The following ARL8A variants were observed in gnomAD, a reference collection of about 807,000 sequenced individuals.
ARL8A encodes ADP-ribosylation factor-like protein 8A.
A neutral mutation model predicts 31.2 loss-of-function variants in ARL8A; 10 were observed. The ratio of observed to expected loss-of-function variants is 0.32; its 90% CI spans 0.20 to 0.54. ARL8A has a LOEUF of 0.54. ARL8A is among the 20% of genes least tolerant of loss of function. ARL8A has a pLI of 0.93. For missense variants in ARL8A, 129 were observed against 242.8 expected (o/e 0.53, Z 3.12); for synonymous variants, 70 against 86.9 (o/e 0.81, Z 1.08).
chr1:202,139,155 T>C (rs1655096832), intron 1 of ARL8A, among the ~76,000 whole-genome samples: 1 of 152,236 alleles, frequency 6.6e-6, no homozygotes, highest in South Asian at 2.1e-4. Flanking sequence ...GTATTGTCTC[T>C]AGGATTTCTG....
Position 202,138,834 on chromosome 1 carries a change from G to A in ARL8A, c.124-386C>T, listed in dbSNP as rs538288685. Reference sequence around the variant, plus strand: ...AAGTCATGTTCTAATAGTTAAGGAGGATCTCAAAGAAAGCAGATGAATTTT... The same window carrying A: ...AAGTCATGTTCTAATAGTTAAGGAGAATCTCAAAGAAAGCAGATGAATTTT... On this transcript the variant is annotated intron_variant, in intron 1 of 6. Coordinates refer to ENST00000272217, the MANE Select transcript of ARL8A (RefSeq NM_138795.4). This position sits in a 1 kb window ranked among gnomAD's most constrained non-coding sequence, Gnocchi z 4.4. Among the ~76,000 whole-genome samples the A allele has an allele frequency of 4.6e-5, 7 of 152,192 alleles. No homozygotes were observed. The highest frequency in any genetic ancestry group is 1.4e-4 in the African/African-American group (6 of 41,440).
Position 202,134,456 on chromosome 1 carries a change from G to A in ARL8A, c.*11C>T, listed in dbSNP as rs749361259. 9 of 1,611,618 alleles carry A rather than the reference G, an allele frequency of 5.6e-6. No individual in the cohort carries two copies. Among genetic ancestry groups the A allele is most frequent in the South Asian group, 4.4e-5 (4 of 91,040 alleles). On this transcript the variant is annotated 3_prime_UTR_variant, in exon 7 of 7. Transcript: ENST00000272217. This position sits in a 1 kb window ranked among gnomAD's most constrained non-coding sequence, Gnocchi z 4.2. ...TGACGGTCCCTGGTCTGAGGGAGAA[G>A]GGCTGGAGTCTCAGCTTCTCCGTGA...
chr1:202,144,391 C>T lies in ARL8A; in HGVS notation c.123+59G>A, dbSNP rs2147815395. ...CCGGCTCAGCAGGGCGCGGCGCGGG[C>T]GGGGACAGGCCCGACCCGCGGCCCG... On this transcript the variant is annotated intron_variant, in intron 1 of 6. Transcript: ENST00000272217. The surrounding 1 kb of genome is among the most constrained non-coding windows in gnomAD (Gnocchi z 5.2). 16 of 1,079,710 alleles carry T rather than the reference C, an allele frequency of 1.5e-5. No individual in the cohort carries two copies. The highest frequency in any genetic ancestry group is 7.3e-4 in the Middle Eastern group (2 of 2,740). The allele number at this position is 1,079,710 out of a possible 1,614,324, so 66.9% of individuals were successfully genotyped here. A position where few individuals can be genotyped will look rare whatever the true frequency, so the allele number is the denominator to read the frequency against.
At position 202,138,502 on chromosome 1, in the gene ARL8A, GC is replaced by G; in HGVS notation, c.124-55del. ...GTGCAAAAATCGATATGCCCCCACC[GC>G]AGACCAAGAGGCTGCGAGAACCATG... On this transcript the variant is annotated intron_variant, in intron 1 of 6. Coordinates refer to ENST00000272217, the MANE Select transcript of ARL8A (RefSeq NM_138795.4). The surrounding 1 kb of genome is among the most constrained non-coding windows in gnomAD (Gnocchi z 4.4). 1 of 1,541,270 alleles carries G rather than the reference GC, an allele frequency of 6.5e-7. No individual in the cohort carries two copies. The highest frequency in any genetic ancestry group is 1.1e-5 in the South Asian group (1 of 89,414).
intron 3 of ARL8A, 49 bp downstream of exon 3, chr1:202,137,916 A>T (rs370797967): frequency 4.1e-5 from 66 of 1,604,304 alleles, no homozygotes; most frequent in Non-Finnish European, 5.5e-5. Flanking sequence ...TAGCAGGGCT[A>T]GGGGGGCCGG....
rs905187355 is a variant in ARL8A, at chr1:202,144,153, G to A, written c.123+297C>T. Among the ~76,000 whole-genome samples the A allele has an allele frequency of 5.9e-5, 9 of 152,132 alleles. No homozygotes were observed. The highest frequency in any genetic ancestry group is 1.3e-4 in the Non-Finnish European group (9 of 67,988). ...CGGCAGCGGGTCCCTCCTGCTTCGAGAGCCCCTCGGTGCCGCCTGCCCCGT... is the reference window on the plus strand; with the variant it reads ...CGGCAGCGGGTCCCTCCTGCTTCGAAAGCCCCTCGGTGCCGCCTGCCCCGT... On this transcript the variant is annotated intron_variant, in intron 1 of 6. Transcript: ENST00000272217. The surrounding 1 kb of genome is among the most constrained non-coding windows in gnomAD (Gnocchi z 5.2).
chr1:202,138,117 T>C lies in ARL8A; in HGVS notation c.205-79A>G. 15 of 1,496,640 alleles carry C rather than the reference T, an allele frequency of 1.0e-5. No individual in the cohort carries two copies. In the South Asian group the frequency reaches 1.7e-4, roughly 17 times the overall value. The allele number at this position is 1,496,640 out of a possible 1,614,324, so 92.7% of individuals were successfully genotyped here. On this transcript the variant is annotated intron_variant, in intron 2 of 6. Transcript: ENST00000272217. The surrounding 1 kb of genome is among the most constrained non-coding windows in gnomAD (Gnocchi z 4.4). The stretch of plus-strand genomic sequence containing the variant: ...GTCTTGGGTCTCAAATGCCCCCTCC[T>C]ACCCTGCCCTACTCTCCTCTGCCTC...
In ARL8A at chr1:202,135,613, C is replaced by T. The variant is rs1654985236; in HGVS notation, c.373-87G>A. 3 of 1,576,976 alleles carry T rather than the reference C, an allele frequency of 1.9e-6. No individual in the cohort carries two copies. In the Admixed American group the frequency reaches 5.0e-5, roughly 26 times the overall value. ...TGAGCTGGCCTCCTGGGTCCCGTTT[C>T]CTCTCTGCGCCCCTACCATGCCTGG... On this transcript the variant is annotated intron_variant, in intron 4 of 6. Coordinates refer to ENST00000272217, the MANE Select transcript of ARL8A (RefSeq NM_138795.4). This position sits in a 1 kb window ranked among gnomAD's most constrained non-coding sequence, Gnocchi z 5.3.
chr1:202,143,182 A>C (rs924817023), intron 1 of ARL8A, among the ~76,000 whole-genome samples: 1 of 152,188 alleles, frequency 6.6e-6, no homozygotes, highest in Admixed American at 6.5e-5. Context: ...TTTGCAGAGC[A>C]TGTTTGGGAA....
rs369616189 is a variant in ARL8A at position 202,135,815 on chromosome 1, A to C, written c.279-15T>G. 6 of 1,606,484 alleles carry C rather than the reference A, an allele frequency of 3.7e-6. No homozygotes were observed. The highest frequency in any genetic ancestry group is 4.3e-6 in the Non-Finnish European group (5 of 1,173,216). The stretch of plus-strand genomic sequence containing the variant: ...CCACCATGTACCTGGGGAAAGAGGC[A>C]GGGTGGGGACAAGCATGTTGACACC... On this transcript the variant is annotated splice_polypyrimidine_tract_variant and intron_variant, in intron 3 of 6. Transcript: ENST00000272217. This position sits in a 1 kb window ranked among gnomAD's most constrained non-coding sequence, Gnocchi z 5.3.
At position 202,138,319 on chromosome 1, in the gene ARL8A, AC is replaced by A. The variant is rs767879792; in HGVS notation, c.204+48del. 3.6e-5 allele frequency: 56 copies of A among 1,554,818 alleles called. No individual in the cohort carries two copies. The highest frequency in any genetic ancestry group is 1.9e-4 in the South Asian group (17 of 89,666). ...AACACACACACACACACACACACAC[AC>A]ACACACAAAAACAGTCCTCTGCACC... On this transcript the variant is annotated intron_variant, in intron 2 of 6. Coordinates refer to ENST00000272217, the MANE Select transcript of ARL8A (RefSeq NM_138795.4). This position sits in a 1 kb window ranked among gnomAD's most constrained non-coding sequence, Gnocchi z 4.4.
intron 1 of ARL8A, among the ~76,000 whole-genome samples, chr1:202,139,133 A>C (rs937806766): frequency 5.9e-5 from 9 of 152,174 alleles, no homozygotes; most frequent in African/African-American, 2.2e-4. Context: ...TCCATTTTCC[A>C]AAATCCATTC....
chr1:202,141,682 C>A (rs1447296556), intron 1 of ARL8A, among the ~76,000 whole-genome samples: 1 of 151,196 alleles, frequency 6.6e-6, no homozygotes, highest in Non-Finnish European at 1.5e-5. Flanking sequence ...AAAAAAAAAT[C>A]TATCATTCCT....
At chr1:202,136,849 T>C (rs1655021888) in intron 3 of ARL8A, among the ~76,000 whole-genome samples, 1 of 147,438 alleles carries the variant, frequency 6.8e-6, no homozygotes, top group African/African-American at 2.6e-5. Context: ...GCCATTTTTC[T>C]TTTCTTTTCT....
chr1:202,143,674 G>A (rs1655223421), intron 1 of ARL8A, among the ~76,000 whole-genome samples: 2 of 152,202 alleles, frequency 1.3e-5, no homozygotes, highest in African/African-American at 2.4e-5. Flanking sequence ...ACCCACTTCA[G>A]TGTTGACGAC....
chr1:202,137,466 A>G (rs1655041266), intron 3 of ARL8A, among the ~76,000 whole-genome samples: 2 of 152,272 alleles, frequency 1.3e-5, no homozygotes, highest in South Asian at 4.1e-4. Context: ...TGTCTCTACT[A>G]AAAATACAAA....
chr1:202,135,772 TCTC>T lies in ARL8A; in HGVS notation c.304_306del (p.Glu102del), dbSNP rs764623352. 2 of 1,614,032 alleles carry T rather than the reference TCTC, an allele frequency of 1.2e-6. No individual in the cohort carries two copies. Among genetic ancestry groups the T allele is most frequent in the Non-Finnish European group, 1.7e-6 (2 of 1,179,980 alleles). On this transcript the variant is annotated inframe_deletion, in exon 4 of 7. Coordinates refer to ENST00000272217, the MANE Select transcript of ARL8A (RefSeq NM_138795.4). The surrounding 1 kb of genome is among the most constrained non-coding windows in gnomAD (Gnocchi z 5.3). ...AGCTCGTTCTTAGAGGCCTCAATCT[TCTC>T]CTGGTCAGCAGCATCCACCATGTAC...
chr1:202,134,506 T>C lies in ARL8A; in HGVS notation c.522A>G (p.Leu174=), dbSNP rs1217528689. 2.5e-6 allele frequency: 4 copies of C among 1,613,072 alleles called. No homozygotes were observed. The highest frequency in any genetic ancestry group is 3.4e-6 in the Non-Finnish European group (4 of 1,179,144). Reference sequence around the variant, plus strand: ...ACTTCGAGTGTTGAATAAGCCACTGTAGGGTGATGTCTGATAGGAGAAAAG... The same window carrying C: ...ACTTCGAGTGTTGAATAAGCCACTGCAGGGTGATGTCTGATAGGAGAAAAG... ...CKEKDNIDIT[L]QWLIQHSKSR... Residue 174 remains leucine (L), a synonymous_variant, in exon 7 of 7, where the codon CTA becomes CTG. Transcript: ENST00000272217. The surrounding 1 kb of genome is among the most constrained non-coding windows in gnomAD (Gnocchi z 4.2).
At position 202,135,057 on chromosome 1, in the gene ARL8A, A is replaced by G. The variant is rs1654967635; in HGVS notation, c.511+93T>C. 6 of 1,300,112 alleles carry G rather than the reference A, an allele frequency of 4.6e-6. No homozygotes were observed. Among genetic ancestry groups the G allele is most frequent in the Non-Finnish European group, 6.6e-6 (6 of 904,532 alleles). 80.5% of individuals were successfully genotyped at this position (1,300,112 alleles called of 1,614,324 possible). A position where few individuals can be genotyped will look rare whatever the true frequency, so the allele number is the denominator to read the frequency against. ...CTACCCAAGAGCCACAGGGCTTTGG[A>G]CTTCAGGGAAAGTTGTGGAGCGAGA... On this transcript the variant is annotated intron_variant, in intron 6 of 6. Transcript: ENST00000272217. This position sits in a 1 kb window ranked among gnomAD's most constrained non-coding sequence, Gnocchi z 5.3.
Sources: gnomAD v4.1 joint callset for allele counts (sites outside exome capture counted in the v4.1 genomes callset) on GRCh38, gnomAD v4.1.1 for gene constraint, Gnocchi (gnomAD v3.1) non-coding constraint, MANE v1.5 for transcripts, NCBI Gene and HGNC (gene_info 2026-07-23, HGNC 2026-07-21) for gene names.